CX3CR1: variants seen among roughly 807,000 people sequenced by gnomAD.
CX3CR1 encodes CX3C chemokine receptor 1.
For missense variants in CX3CR1, 363 were observed against 432.4 expected (o/e 0.84, Z 1.42); for synonymous variants, 168 against 178.5 (o/e 0.94, Z 0.47).
rs1298127752 is a variant in CX3CR1, at chr3:39,266,221, G to T, written c.289C>A (p.Leu97Ile). The T allele has an allele frequency of 6.2e-7, 1 of 1,614,198 alleles. No individual in the cohort carries two copies. Among genetic ancestry groups the T allele is most frequent in the Non-Finnish European group, 8.5e-7 (1 of 1,180,046 alleles). The change falls in exon 2 of 2, where the codon CTC becomes ATC. Residue 97 changes from leucine to isoleucine, a missense_variant. Leu to Ile is a conservative substitution (Grantham distance 5, BLOSUM62 2). Coordinates refer to ENST00000399220, the MANE Select transcript of CX3CR1 (RefSeq NM_001337.4). ...WTHYLINEKG[L>I]HNAMCKFTTA... ...GTGAATTTGCACATGGCATTGTGGA[G>T]GCCCTTTTCATTTATCAAATAGTGA...
At chr3:39,276,347 G>A (rs2040841107) in intron 1 of CX3CR1, among the ~76,000 whole-genome samples, 1 of 152,156 alleles carries the variant, frequency 6.6e-6, no homozygotes, top group Non-Finnish European at 1.5e-5. Context: ...ATACTCTTTG[G>A]GGCTACCTCC....
chr3:39,281,352 G>C (rs2853708), upstream of CX3CR1: 331,348 of 804,378 alleles, frequency 0.41, 74,372 homozygotes, highest in South Asian at 0.44. Context: ...CTCTCCTGGG[G>C]TCCACTCAGC....
chr3:39,283,627 A>G (rs1249418816), upstream of CX3CR1, among the ~76,000 whole-genome samples: 2 of 151,210 alleles, frequency 1.3e-5, no homozygotes, highest in Non-Finnish European at 3.0e-5. Context: ...TAAAAATATA[A>G]AAATTAGCCA....
the CX3CR1 span, among the ~76,000 whole-genome samples, chr3:39,289,388 G>T: frequency 3.9e-5 from 6 of 152,180 alleles, no homozygotes; most frequent in Non-Finnish European, 4.4e-5. Flanking sequence ...GAGGGTAGAA[G>T]AGCCTCACTC....
upstream of CX3CR1, among the ~76,000 whole-genome samples, chr3:39,284,580 G>C (rs1244431912): frequency 6.6e-6 from 1 of 152,236 alleles, no homozygotes; most frequent in East Asian, 1.9e-4. Flanking sequence ...CAATGGGTGG[G>C]TGTGAGGGAA....
chr3:39,289,152 A>T, the CX3CR1 span, among the ~76,000 whole-genome samples: 89 of 142,078 alleles, frequency 6.3e-4, no homozygotes, highest in African/African-American at 2.2e-3. Flanking sequence ...GACTCCATCT[A>T]AAAAAAAAAA....
chr3:39,270,209 G>A (rs1258949828), intron 1 of CX3CR1, among the ~76,000 whole-genome samples: 3 of 152,218 alleles, frequency 2.0e-5, no homozygotes, highest in Non-Finnish European at 4.4e-5. Context: ...TGGTAAAAAG[G>A]CATCAAAACA....
intron 1 of CX3CR1, among the ~76,000 whole-genome samples, chr3:39,271,905 C>T (rs1341493292): frequency 6.6e-6 from 1 of 152,222 alleles, no homozygotes. Flanking sequence ...GGAGCTGAGC[C>T]TAAGATAGGG....
upstream of CX3CR1, chr3:39,280,357 C>T: frequency 1.0e-6 from 1 of 985,500 alleles, no homozygotes; most frequent in Non-Finnish European, 1.2e-6. Context: ...GCTCATGGGG[C>T]CCTCAGCTTC....
intron 1 of CX3CR1, among the ~76,000 whole-genome samples, chr3:39,279,179 G>T (rs532174056): frequency 6.7e-6 from 1 of 149,252 alleles, no homozygotes; most frequent in African/African-American, 2.5e-5. Flanking sequence ...ACACAAACAA[G>T]AAAGAAAACC....
At chr3:39,280,117 A>G, upstream of CX3CR1, 3 of 970,308 alleles carry the variant, frequency 3.1e-6, no homozygotes, top group African/African-American at 3.5e-5. Flanking sequence ...CTATCTTTAG[A>G]TGCTGCCACA....
chr3:39,263,689 A>G lies in CX3CR1; in HGVS notation c.*1753T>C, dbSNP rs1488407969. ...TTAACAGTTACCACATCTGACTTCA[A>G]TGAATACACAGTCTGGTAGAGTCTT... On this transcript the variant is annotated 3_prime_UTR_variant, in exon 2 of 2. Coordinates refer to ENST00000399220, the MANE Select transcript of CX3CR1 (RefSeq NM_001337.4). The G allele has an allele frequency of 6.6e-6, 1 of 152,244 alleles. No individual in the cohort carries two copies. Among genetic ancestry groups the G allele is most frequent in the Admixed American group, 6.5e-5 (1 of 15,290 alleles). 9.4% of individuals were successfully genotyped at this position (152,244 alleles called of 1,614,324 possible).
At chr3:39,281,110 C>T (rs1450730352), upstream of CX3CR1, 3 of 993,928 alleles carry the variant, frequency 3.0e-6, no homozygotes, top group Non-Finnish European at 3.6e-6. Flanking sequence ...CCCTCCTCAC[C>T]TCCCCCAACC....
At chr3:39,267,013 A>G (rs1429689767) in intron 1 of CX3CR1, among the ~76,000 whole-genome samples, 1 of 151,994 alleles carries the variant, frequency 6.6e-6, no homozygotes, top group East Asian at 1.9e-4. Flanking sequence ...CAAACTCCTG[A>G]CCTCAGATTA....
chr3:39,291,982 G>A, the CX3CR1 span, among the ~76,000 whole-genome samples: 18 of 152,244 alleles, frequency 1.2e-4, no homozygotes, highest in African/African-American at 4.1e-4. Flanking sequence ...AGGGCTGAAT[G>A]ACAGGTTCAA....
the CX3CR1 span, among the ~76,000 whole-genome samples, chr3:39,292,391 T>C: frequency 6.6e-6 from 1 of 152,214 alleles, no homozygotes; most frequent in Admixed American, 6.5e-5. Context: ...TCAACTAGAC[T>C]GTAGCACCGA....
At chr3:39,274,395 G>A (rs1246485366) in intron 1 of CX3CR1, among the ~76,000 whole-genome samples, 1 of 145,222 alleles carries the variant, frequency 6.9e-6, no homozygotes, top group East Asian at 2.0e-4. Context: ...ATAGCAATGA[G>A]CCCATCTAGA....
chr3:39,283,607 C>T (rs901264336), upstream of CX3CR1, among the ~76,000 whole-genome samples: 2 of 150,984 alleles, frequency 1.3e-5, no homozygotes, highest in Non-Finnish European at 2.9e-5. Flanking sequence ...TGGTGAAACC[C>T]TGTCTCTACT....
intron 1 of CX3CR1, among the ~76,000 whole-genome samples, chr3:39,275,162 A>G (rs958749002): frequency 6.6e-6 from 1 of 152,174 alleles, no homozygotes; most frequent in Non-Finnish European, 1.5e-5. Flanking sequence ...GTGCCCACCT[A>G]GAAAACTTTT....
Sources: gnomAD v4.1 joint callset for allele counts (sites outside exome capture counted in the v4.1 genomes callset) on GRCh38, gnomAD v4.1.1 for gene constraint, MANE v1.5 for transcripts, NCBI Gene and HGNC (gene_info 2026-07-23, HGNC 2026-07-21) for gene names.